The following CRPPA variants were observed in gnomAD, a reference collection of about 807,000 sequenced individuals.
CRPPA encodes CDP-L-ribitol pyrophosphorylase A.
In CRPPA, 43 loss-of-function variants were observed where a neutral mutation model predicts 52.0. That is an observed-to-expected ratio of 0.83 (90% CI 0.65 to 1.07). The LOEUF is 1.07. Ranked by LOEUF, CRPPA falls within the 50% of genes least tolerant of loss-of-function variation. CRPPA has a pLI of 0.00. For missense variants in CRPPA, 629 were observed against 551.7 expected (o/e 1.14, Z -1.40); for synonymous variants, 250 against 203.5 (o/e 1.23, Z -1.94).
At chr7:16,155,972 G>A (rs969879036) in intron 9 of CRPPA, among the ~76,000 whole-genome samples, 2 of 152,076 alleles carry the variant, frequency 1.3e-5, no homozygotes, top group African/African-American at 4.8e-5. Flanking sequence ...GGAAGTCAAC[G>A]GGAGGGGTCA....
chr7:16,133,115 G>A (rs1246103536), intron 9 of CRPPA, among the ~76,000 whole-genome samples: 1 of 122,794 alleles, frequency 8.1e-6, no homozygotes, highest in African/African-American at 2.6e-5. Context: ...AGGAGTTCAA[G>A]ACTAGCCTGG....
At chr7:16,397,751 C>T (rs868455973) in intron 2 of CRPPA, among the ~76,000 whole-genome samples, 15 of 152,192 alleles carry the variant, frequency 9.9e-5, no homozygotes, top group African/African-American at 3.6e-4. Context: ...GCGAATGACA[C>T]GATTGGCACG....
At chr7:16,198,981 T>C (rs982650258) in intron 9 of CRPPA, among the ~76,000 whole-genome samples, 2 of 152,184 alleles carry the variant, frequency 1.3e-5, no homozygotes, top group African/African-American at 2.4e-5. Context: ...TTCCAGCCTC[T>C]CTGAGTAAAC....
chr7:16,234,518 GAA>G (rs1306749356), intron 8 of CRPPA, among the ~76,000 whole-genome samples: 2 of 152,068 alleles, frequency 1.3e-5, no homozygotes, highest in East Asian at 3.8e-4. Flanking sequence ...TAAAATGCAT[GAA>G]GTTTAAACTT....
chr7:16,160,360 G>A (rs953213178), intron 9 of CRPPA, among the ~76,000 whole-genome samples: 1 of 152,146 alleles, frequency 6.6e-6, no homozygotes, highest in African/African-American at 2.4e-5. Context: ...TATAAGGAAG[G>A]GGTCCAATTT....
intron 2 of CRPPA, among the ~76,000 whole-genome samples, chr7:16,403,809 A>G (rs1468764022): frequency 1.3e-5 from 2 of 151,992 alleles, no homozygotes; most frequent in African/African-American, 2.4e-5. Flanking sequence ...GGACAACTAC[A>G]TGACTAAGAG....
intron 3 of CRPPA, among the ~76,000 whole-genome samples, chr7:16,341,537 G>T (rs935010557): frequency 2.0e-5 from 3 of 152,112 alleles, no homozygotes; most frequent in Non-Finnish European, 2.9e-5. Context: ...TTACCTACAA[G>T]TCCTGTTTGT....
intron 8 of CRPPA, among the ~76,000 whole-genome samples, chr7:16,239,683 A>C (rs939044278): frequency 6.6e-6 from 1 of 151,914 alleles, no homozygotes; most frequent in African/African-American, 2.4e-5. Context: ...TGAAATGCCT[A>C]ACAAAGTCTA....
intron 9 of CRPPA, among the ~76,000 whole-genome samples, chr7:16,199,363 A>C (rs1781801207): frequency 6.6e-6 from 1 of 152,178 alleles, no homozygotes; most frequent in African/African-American, 2.4e-5. Flanking sequence ...GTTTATCTTT[A>C]ATAGTAGTTA....
At chr7:16,219,992 A>C (rs975409544) in intron 8 of CRPPA, among the ~76,000 whole-genome samples, 1 of 144,310 alleles carries the variant, frequency 6.9e-6, no homozygotes, top group Admixed American at 7.1e-5. Flanking sequence ...CACAACCAAA[A>C]AAGAGAATTT....
intron 3 of CRPPA, among the ~76,000 whole-genome samples, chr7:16,359,993 T>C (rs1786399894): frequency 6.6e-6 from 1 of 152,218 alleles, no homozygotes; most frequent in Non-Finnish European, 1.5e-5. Flanking sequence ...CCTCTGCTTC[T>C]ATGTCCTCCA....
intron 3 of CRPPA, among the ~76,000 whole-genome samples, chr7:16,311,307 G>A (rs560334583): frequency 9.9e-5 from 15 of 152,122 alleles, no homozygotes; most frequent in Middle Eastern, 3.4e-3. Context: ...AGTTTCACAC[G>A]ACAGTGAAAT....
intron 9 of CRPPA, among the ~76,000 whole-genome samples, chr7:16,170,190 C>CCCATAT (rs1454613259): frequency 1.3e-5 from 2 of 151,934 alleles, no homozygotes; most frequent in African/African-American, 4.8e-5. Flanking sequence ...GTGTTATTTG[C>CCCATAT]CCATATTCTT....
At chr7:16,339,537 A>G (rs1443986243) in intron 3 of CRPPA, among the ~76,000 whole-genome samples, 2 of 152,202 alleles carry the variant, frequency 1.3e-5, no homozygotes, top group African/African-American at 2.4e-5. Context: ...GGAATAAAGG[A>G]AACTTTTTCA....
intron 5 of CRPPA, among the ~76,000 whole-genome samples, chr7:16,279,149 C>G (rs1312444500): frequency 6.6e-6 from 1 of 152,154 alleles, no homozygotes; most frequent in Non-Finnish European, 1.5e-5. Context: ...ATTCCTGAAT[C>G]AAAAGTATGT....
chr7:16,299,232 G>T (rs1381603618), intron 5 of CRPPA, among the ~76,000 whole-genome samples: 3 of 152,104 alleles, frequency 2.0e-5, no homozygotes, highest in Non-Finnish European at 2.9e-5. Context: ...TATGCCCAGA[G>T]AGGCATTTCT....
At chr7:16,264,260 A>G (rs1055330658) in intron 6 of CRPPA, among the ~76,000 whole-genome samples, 2 of 152,230 alleles carry the variant, frequency 1.3e-5, no homozygotes, top group African/African-American at 4.8e-5. Context: ...TCCACACTCA[A>G]ACACAACAAA....
In CRPPA at chr7:16,195,892, A is replaced by C. The variant is rs184091248; in HGVS notation, c.1251+20174T>G. On this transcript the variant is annotated intron_variant, in intron 9 of 9. Transcript: ENST00000407010. ...GATTCCTTTGTTCCTCTGCATCCAA[A>C]GCTGAGGAAAGGCCCTGCCAACCCC... 1.2e-3 allele frequency among the ~76,000 whole-genome samples: 189 copies of C among 152,186 alleles called. 1 individual carries two copies. The highest frequency in any genetic ancestry group is 4.4e-3 in the African/African-American group (181 of 41,528).
At chr7:16,155,816 A>G (rs892527823) in intron 9 of CRPPA, among the ~76,000 whole-genome samples, 27 of 152,166 alleles carry the variant, frequency 1.8e-4, no homozygotes, top group African/African-American at 2.4e-5. Context: ...TTCCCACATT[A>G]GTCAAGGGTC....
Sources: allele counts gnomAD v4.1 joint callset (sites outside exome capture counted in the v4.1 genomes callset), GRCh38; gene constraint gnomAD v4.1.1; transcripts MANE v1.5; gene names NCBI Gene and HGNC (gene_info 2026-07-23, HGNC 2026-07-21).